The following CFAP97 variants were observed in gnomAD, a reference collection of about 807,000 sequenced individuals.
CFAP97 encodes the protein cilia- and flagella-associated protein 97.
A neutral mutation model predicts 43.1 loss-of-function variants in CFAP97; 36 were observed. The observed-to-expected ratio is 0.84, with a 90% CI of 0.64 to 1.10. The LOEUF (loss-of-function observed/expected upper bound fraction) is 1.10, where lower values mean the gene tolerates loss of function less well. CFAP97 is among the 50% of genes least tolerant of loss of function. CFAP97 has a pLI of 0.00. For missense variants in CFAP97, 657 were observed against 620.3 expected (o/e 1.06, Z -0.63); for synonymous variants, 228 against 225.7 (o/e 1.01, Z -0.09).
chr4:185,178,712 A>G (rs1484965433), intron 2 of CFAP97, among the ~76,000 whole-genome samples: 2 of 152,172 alleles, frequency 1.3e-5, no homozygotes, highest in African/African-American at 2.4e-5. Context: ...AAAGTGCCTA[A>G]CCATGGCACA....
At chr4:185,164,911 T>C (rs576012642) in intron 3 of CFAP97, among the ~76,000 whole-genome samples, 8 of 152,332 alleles carry the variant, frequency 5.3e-5, no homozygotes, top group Non-Finnish European at 8.8e-5. Context: ...CACATGTACA[T>C]TGCAGAGCAG....
intron 1 of CFAP97, among the ~76,000 whole-genome samples, chr4:185,199,147 C>T (rs967457625): frequency 6.6e-6 from 1 of 151,886 alleles, no homozygotes; most frequent in African/African-American, 2.4e-5. Flanking sequence ...CTGAGACGGG[C>T]GGATCACTTG....
chr4:185,176,658 A>G (rs1007530490), intron 2 of CFAP97, among the ~76,000 whole-genome samples: 4 of 152,178 alleles, frequency 2.6e-5, no homozygotes, highest in African/African-American at 9.7e-5. Flanking sequence ...TGTTATATCA[A>G]TTTTATCCTT....
At chr4:185,189,656 T>C (rs1175486199) in intron 2 of CFAP97, among the ~76,000 whole-genome samples, 1 of 152,260 alleles carries the variant, frequency 6.6e-6, no homozygotes, top group Non-Finnish European at 1.5e-5. Flanking sequence ...TATTTTTAAG[T>C]AATGCTCTTT....
intron 1 of CFAP97, among the ~76,000 whole-genome samples, chr4:185,192,375 G>C (rs1476464594): frequency 1.3e-5 from 2 of 152,278 alleles, no homozygotes; most frequent in Admixed American, 1.3e-4. Context: ...ATATTATTCA[G>C]ACACATGGAG....
At chr4:185,196,596 C>T (rs1207793347) in intron 1 of CFAP97, among the ~76,000 whole-genome samples, 1 of 152,118 alleles carries the variant, frequency 6.6e-6, no homozygotes, top group African/African-American at 2.4e-5. Context: ...CTGAGAGTCT[C>T]AGGCAAGGGT....
At chr4:185,168,015 A>G (rs1735137673) in intron 3 of CFAP97, among the ~76,000 whole-genome samples, 1 of 151,722 alleles carries the variant, frequency 6.6e-6, no homozygotes, top group Non-Finnish European at 1.5e-5. Flanking sequence ...AAAAAAAAAA[A>G]AAAAGAACTT....
At chr4:185,181,989 G>A (rs1050791742) in intron 2 of CFAP97, among the ~76,000 whole-genome samples, 1 of 151,962 alleles carries the variant, frequency 6.6e-6, no homozygotes, top group African/African-American at 2.4e-5. Flanking sequence ...CAGTTTCTTT[G>A]CTCATCAATG....
At chr4:185,210,146 T>C (rs1247307392), upstream of CFAP97, 1 of 984,028 alleles carries the variant, frequency 1.0e-6, no homozygotes, top group Non-Finnish European at 1.2e-6. The surrounding 1 kb of genome is among the most constrained non-coding windows in gnomAD (Gnocchi z 4.4). Context: ...GCCTTCCTGC[T>C]GGGGATCCTG....
intron 1 of CFAP97, among the ~76,000 whole-genome samples, chr4:185,197,675 C>T (rs1047015880): frequency 1.3e-5 from 2 of 152,218 alleles, no homozygotes; most frequent in Non-Finnish European, 1.5e-5. Flanking sequence ...ATCCGCCCGC[C>T]TTGGCCTCCC....
Position 185,195,386 on chromosome 4 carries a change from G to C in CFAP97, c.-16-4174C>G, listed in dbSNP as rs140709193. ...GAGTCCCAGCTACTGAGGAGGCTGA[G>C]GTAGAAGGATCACCTGTGCACAGGA... On this transcript the variant is annotated intron_variant, in intron 1 of 4. Transcript: ENST00000458385. Among the ~76,000 whole-genome samples, 3 of 152,224 alleles carry C rather than the reference G, an allele frequency of 2.0e-5. No homozygotes were observed. In the East Asian group the frequency reaches 5.8e-4, roughly 29 times the overall value.
chr4:185,196,324 A>T (rs898280246), intron 1 of CFAP97, among the ~76,000 whole-genome samples: 8 of 152,124 alleles, frequency 5.3e-5, no homozygotes, highest in Admixed American at 2.0e-4. Flanking sequence ...AATATAAAAA[A>T]TTAGCTGGGT....
upstream of CFAP97, among the ~76,000 whole-genome samples, chr4:185,208,702 TG>T (rs776651525): frequency 3.8e-4 from 57 of 151,764 alleles, no homozygotes; most frequent in African/African-American, 1.1e-3. Context: ...CACTCCAGCC[TG>T]GGCAACAGAG....
In CFAP97 at chr4:185,190,814, TCACCTTCTTTTA is replaced by T. The variant is rs1323542936; in HGVS notation, c.371_382del (p.Val124_Gly127del). On this transcript the variant is annotated inframe_deletion, in exon 2 of 5. Coordinates refer to ENST00000458385, the MANE Select transcript of CFAP97 (RefSeq NM_020827.3). ...CTCTCCATCTGTGTAGTAATCATCT[TCACCTTCTTTTA>T]CAATTTTGGGAATTCTATTTGGAAT... The T allele has an allele frequency of 1.9e-6, 3 of 1,608,660 alleles. No homozygotes were observed. Among genetic ancestry groups the T allele is most frequent in the East Asian group, 4.5e-5 (2 of 44,838 alleles).
chr4:185,163,294 C>T (rs539256304), intron 4 of CFAP97, among the ~76,000 whole-genome samples: 18 of 152,162 alleles, frequency 1.2e-4, no homozygotes, highest in South Asian at 4.2e-4. Context: ...CACTATACCA[C>T]GGAAGCAAGG....
chr4:185,162,584 T>C lies in CFAP97; in HGVS notation c.*214A>G, dbSNP rs750894408. The C allele has an allele frequency of 2.9e-5, 16 of 545,316 alleles. No individual in the cohort carries two copies. The highest frequency in any genetic ancestry group is 4.5e-5 in the Non-Finnish European group (14 of 309,374). 33.8% of individuals were successfully genotyped at this position (545,316 alleles called of 1,614,324 possible). On this transcript the variant is annotated 3_prime_UTR_variant, in exon 5 of 5. Coordinates refer to ENST00000458385, the MANE Select transcript of CFAP97 (RefSeq NM_020827.3). ...CCACTATTTCTCTATTAAGAACACA[T>C]ACATCTCATATAAATACATCCTCAG... is the stretch of plus-strand genomic sequence containing the variant.
intron 1 of CFAP97, among the ~76,000 whole-genome samples, chr4:185,197,255 C>T (rs1337599450): frequency 1.3e-5 from 2 of 151,676 alleles, no homozygotes; most frequent in African/African-American, 2.4e-5. Flanking sequence ...TTAAACATAA[C>T]AAAAGAGTAA....
At chr4:185,165,542 A>G (rs1735036306) in intron 3 of CFAP97, among the ~76,000 whole-genome samples, 1 of 152,142 alleles carries the variant, frequency 6.6e-6, no homozygotes, top group African/African-American at 2.4e-5. Flanking sequence ...ATTGTGTTTT[A>G]TTCTTTTCTT....
chr4:185,207,558 G>T (rs1222138942), upstream of CFAP97, among the ~76,000 whole-genome samples: 3 of 152,078 alleles, frequency 2.0e-5, no homozygotes, highest in African/African-American at 7.2e-5. Flanking sequence ...TCAGGATCAA[G>T]AATTTAACCT....
Sources: gnomAD v4.1 joint callset for allele counts (sites outside exome capture counted in the v4.1 genomes callset) on GRCh38, gnomAD v4.1.1 for gene constraint, Gnocchi (gnomAD v3.1) non-coding constraint, MANE v1.5 for transcripts, NCBI Gene and HGNC (gene_info 2026-07-23, HGNC 2026-07-21) for gene names.